The following CEMIP2 variants were observed in gnomAD, a reference collection of about 807,000 sequenced individuals.
CEMIP2 encodes the protein cell migration inducing hyaluronidase 2, also known as cell surface hyaluronidase CEMIP2.
Under a neutral mutation model 146.9 loss-of-function variants are expected in CEMIP2, and 79 were observed. The ratio of observed to expected loss-of-function variants is 0.54; its 90% CI spans 0.45 to 0.65. The LOEUF (loss-of-function observed/expected upper bound fraction) is 0.65. Ranked by LOEUF, CEMIP2 falls within the 30% of genes least tolerant of loss-of-function variation. CEMIP2 has a pLI of 0.00. For synonymous variants in CEMIP2, 601 were observed against 606.3 expected (o/e 0.99, Z 0.13); for missense variants, 1,596 against 1,696.2 (o/e 0.94, Z 1.04).
chr9:71,725,135 GT>G (rs1823346626), intron 11 of CEMIP2, among the ~76,000 whole-genome samples: 1 of 152,156 alleles, frequency 6.6e-6, no homozygotes, highest in Admixed American at 6.5e-5. Context: ...CTGATGACAA[GT>G]TCTACCAAAA....
intron 8 of CEMIP2, 104 bp downstream of exon 8, chr9:71,730,601 G>A: frequency 8.3e-7 from 1 of 1,207,658 alleles, no homozygotes; most frequent in Non-Finnish European, 1.2e-6. Flanking sequence ...ATAGAGCAAG[G>A]CATGTGGCTA....
At position 71,716,237 on chromosome 9, in the gene CEMIP2, A is replaced by C. The variant is rs1011365668; in HGVS notation, c.2435+280T>G. Reference sequence around the variant, plus strand: ...TTACTCCCTTCCTCTTTTTTCCCCTACTTTTTAAAAACTTTAGTCTAAATC... The same window carrying C: ...TTACTCCCTTCCTCTTTTTTCCCCTCCTTTTTAAAAACTTTAGTCTAAATC... On this transcript the variant is annotated intron_variant, in intron 14 of 23. Coordinates refer to ENST00000377044, the MANE Select transcript of CEMIP2 (RefSeq NM_013390.3). Among the ~76,000 whole-genome samples, 10 of 151,934 alleles carry C rather than the reference A, an allele frequency of 6.6e-5. 1 individual carries two copies. Among genetic ancestry groups the C allele is most frequent in the East Asian group, 3.9e-4 (2 of 5,172 alleles).
intron 17 of CEMIP2, among the ~76,000 whole-genome samples, chr9:71,707,261 A>G (rs1564001759): frequency 6.6e-6 from 1 of 152,126 alleles, no homozygotes; most frequent in Non-Finnish European, 1.5e-5. Flanking sequence ...CACATTATAA[A>G]CCATGTTCCT....
intron 10 of CEMIP2, among the ~76,000 whole-genome samples, chr9:71,728,261 GTATATATATATATATATA>G (rs1164205843): frequency 6.0e-4 from 3 of 5,026 alleles, no homozygotes; most frequent in Non-Finnish European, 1.3e-3. Flanking sequence ...GTATATACAC[GTATATATATATATATATA>G]TGTATATATA....
chr9:71,726,246 T>C (rs774433622), intron 10 of CEMIP2, among the ~76,000 whole-genome samples: 2 of 152,204 alleles, frequency 1.3e-5, no homozygotes, highest in Non-Finnish European at 2.9e-5. Flanking sequence ...GGATACTGTC[T>C]CAGGCTGGGC....
Position 71,685,395 on chromosome 9 carries a change from T to TAAAAAAAAAAAAAAAAA in CEMIP2, c.3956-19_3956-3dup, listed in dbSNP as rs36080695. 2 of 1,178,904 alleles carry TAAAAAAAAAAAAAAAAA rather than the reference T, an allele frequency of 1.7e-6. No homozygotes were observed. The highest frequency in any genetic ancestry group is 1.9e-5 in the African/African-American group (1 of 51,492). The allele number at this position is 1,178,904 out of a possible 1,614,324, so 73.0% of individuals were successfully genotyped here. Reference sequence around the variant, plus strand: ...TGAATCCCAAAAATATGGTACTCCCTAAAAAAAAAAAAAAAAAAGAAAAAG... The same window carrying TAAAAAAAAAAAAAAAAA: ...TGAATCCCAAAAATATGGTACTCCCTAAAAAAAAAAAAAAAAAAAAAAAAAAAAAAAAAAAGAAAAAG... On this transcript the variant is annotated splice_region_variant and splice_polypyrimidine_tract_variant and intron_variant, in intron 23 of 23. Coordinates refer to ENST00000377044, the MANE Select transcript of CEMIP2 (RefSeq NM_013390.3).
intron 11 of CEMIP2, among the ~76,000 whole-genome samples, chr9:71,723,768 AGTGTGTGTGTGCGCACACAT>A (rs1450599100): frequency 6.6e-6 from 1 of 152,082 alleles, no homozygotes; most frequent in African/African-American, 2.4e-5. Flanking sequence ...CATAAGGACC[AGTGTGTGTGTGCGCACACAT>A]GTGGGTGTGT....
chr9:71,713,526 T>C (rs1224984501), intron 15 of CEMIP2, among the ~76,000 whole-genome samples: 1 of 152,198 alleles, frequency 6.6e-6, no homozygotes, highest in Non-Finnish European at 1.5e-5. Flanking sequence ...ATTAAAGCTG[T>C]TTCCATTAAA....
At chr9:71,747,721 A>T (rs1824129217) in intron 2 of CEMIP2, among the ~76,000 whole-genome samples, 1 of 152,174 alleles carries the variant, frequency 6.6e-6, no homozygotes, top group Non-Finnish European at 1.5e-5. Context: ...ACAGAAAAAA[A>T]AATGATTCCT....
intron 13 of CEMIP2, among the ~76,000 whole-genome samples, chr9:71,717,499 ATACT>A (rs1396889344): frequency 6.6e-6 from 1 of 152,192 alleles, no homozygotes; most frequent in Non-Finnish European, 1.5e-5. Context: ...AAAAAGTGAG[ATACT>A]TACTGCCTCA....
chr9:71,756,496 TCTCTCTCTCTCACA>T (rs1254505712), intron 1 of CEMIP2, among the ~76,000 whole-genome samples: 6 of 137,304 alleles, frequency 4.4e-5, no homozygotes, highest in South Asian at 2.6e-4. Flanking sequence ...TCTCTCTCTC[TCTCTCTCTCTCACA>T]CACACACACA....
At chr9:71,728,280 T>TATACAC (rs1491467360) in intron 10 of CEMIP2, among the ~76,000 whole-genome samples, 3 of 12,646 alleles carry the variant, frequency 2.4e-4, no homozygotes, top group South Asian at 3.4e-3. Flanking sequence ...TATATATATA[T>TATACAC]GTATATATAT....
intron 1 of CEMIP2, among the ~76,000 whole-genome samples, chr9:71,755,346 T>TACACACAAACACAC (rs1363675174): frequency 1.3e-4 from 18 of 134,934 alleles, no homozygotes; most frequent in African/African-American, 5.1e-4. Context: ...ACCCTGTCTC[T>TACACACAAACACAC]ACACACACAC....
In CEMIP2 at chr9:71,754,717, T is replaced by G. The variant is rs72739806; in HGVS notation, c.-12-4332A>C. 4.7e-3 allele frequency among the ~76,000 whole-genome samples: 721 copies of G among 152,352 alleles called. 47 individuals are homozygous for G. The South Asian group carries it at 0.13, about 27-fold the overall frequency. On this transcript the variant is annotated intron_variant, in intron 1 of 23. Coordinates refer to ENST00000377044, the MANE Select transcript of CEMIP2 (RefSeq NM_013390.3). ...TAGATATTCCTTGAGAGAGTCGTTT[T>G]GTGAGTATTTATTTACTGGATTATA...
At chr9:71,735,513 G>A (rs767221939) in intron 5 of CEMIP2, among the ~76,000 whole-genome samples, 14 of 152,240 alleles carry the variant, frequency 9.2e-5, no homozygotes, top group Middle Eastern at 3.4e-3. Flanking sequence ...TGGGCCAGGC[G>A]TGGTGGTTCA....
chr9:71,746,444 T>A, intron 2 of CEMIP2, 103 bp from the exon 3 acceptor site: 1 of 1,385,806 alleles, frequency 7.2e-7, no homozygotes, highest in East Asian at 2.4e-5. Context: ...AAAAATGTGC[T>A]AACATATGTT....
intron 19 of CEMIP2, among the ~76,000 whole-genome samples, chr9:71,700,132 G>A (rs2131878380): frequency 6.6e-6 from 1 of 152,278 alleles, no homozygotes; most frequent in Middle Eastern, 3.4e-3. Context: ...GGTAAAAGCA[G>A]TCAAAACCAA....
At chr9:71,710,281 A>T (rs1289207054) in intron 16 of CEMIP2, among the ~76,000 whole-genome samples, 1 of 152,192 alleles carries the variant, frequency 6.6e-6, no homozygotes, top group Non-Finnish European at 1.5e-5. Flanking sequence ...ATATAATACC[A>T]ACGCTATTGA....
intron 1 of CEMIP2, among the ~76,000 whole-genome samples, chr9:71,762,474 C>A (rs1824662059): frequency 8.8e-6 from 1 of 113,686 alleles, no homozygotes; most frequent in Admixed American, 1.2e-4. Context: ...CCTGGGTAAC[C>A]TAACAAGACC....
Sources: gnomAD v4.1 joint callset for allele counts (sites outside exome capture counted in the v4.1 genomes callset) on GRCh38, gnomAD v4.1.1 for gene constraint, MANE v1.5 for transcripts, NCBI Gene and HGNC (gene_info 2026-07-23, HGNC 2026-07-21) for gene names.